ALB: variants seen among roughly 807,000 people sequenced by gnomAD.
ALB encodes the protein serum albumin.
A neutral mutation model predicts 74.5 loss-of-function variants in ALB; 37 were observed. The ratio of observed to expected loss-of-function variants is 0.50; its 90% CI spans 0.38 to 0.65. The LOEUF (loss-of-function observed/expected upper bound fraction) is 0.65, where lower values mean the gene tolerates loss of function less well. ALB is among the 30% of genes least tolerant of loss of function. The pLI, the probability that ALB is intolerant of heterozygous loss-of-function variation, is 0.00. For missense variants in ALB, 685 were observed against 718.7 expected, an observed-to-expected ratio of 0.95 and a Z score of 0.54; for synonymous variants, 249 against 251.6, an observed-to-expected ratio of 0.99 and a Z score of 0.10.
At chr4:73,410,535 G>A (rs1373355578) in intron 6 of ALB, 126 bp downstream of exon 6, 2 of 713,940 alleles carry the variant, frequency 2.8e-6, no homozygotes, top group East Asian at 5.3e-5. Context: ...TTGTCTAACA[G>A]GTAGAACTCT....
At chr4:73,408,492 C>A in intron 3 of ALB, 102 bp from the exon 4 acceptor site, 1 of 1,050,760 alleles carries the variant, frequency 9.5e-7, no homozygotes, top group Non-Finnish European at 1.4e-6. Flanking sequence ...TAAATGATTT[C>A]CTGACCAAGC....
rs1352687154 is a variant in ALB, at chr4:73,410,422, A to T, written c.713+13A>T. ...CTTTCAAAGCATGGTAAATACTTTT[A>T]AACATAGTTGGCATCTTTATAACGA... On this transcript the variant is annotated intron_variant, in intron 6 of 14. Transcript: ENST00000295897. The T allele has an allele frequency of 9.0e-6, 14 of 1,557,228 alleles. No homozygotes were observed. The highest frequency in any genetic ancestry group is 1.2e-5 in the Non-Finnish European group (14 of 1,128,208).
chr4:73,406,565 G>A, intron 2 of ALB, 64 bp from the exon 3 acceptor site: 1 of 1,508,894 alleles, frequency 6.6e-7, no homozygotes, highest in Non-Finnish European at 9.2e-7. Context: ...TTGTTCTCTA[G>A]CGTAGCAACC....
intron 11 of ALB, chr4:73,417,879 C>T (rs111329207): frequency 7.5e-4 from 515 of 686,164 alleles, no homozygotes; most frequent in African/African-American, 1.4e-3. Flanking sequence ...GACGGAGTCT[C>T]GCTTTGTTGT....
chr4:73,413,522 G>T lies in ALB; in HGVS notation c.946G>T (p.Glu316Ter), dbSNP rs150388973. ...PLLEKSHCIA[E>*]VENDEMPADL... ...GTTGGAAAAATCCCACTGCATTGCC[G>T]AAGTGGAAAATGATGAGATGCCTGC... The change falls in exon 8 of 15, where the codon GAA (glutamate) becomes TAA (stop). Residue 316 changes from glutamate to a stop codon, truncating the protein, a stop_gained. Coordinates refer to ENST00000295897, the MANE Select transcript of ALB (RefSeq NM_000477.7). LOFTEE classifies it high-confidence loss of function. 6.2e-7 allele frequency: 1 copy of T among 1,614,208 alleles called. No homozygotes were observed. Among genetic ancestry groups the T allele is most frequent in the African/African-American group, 1.3e-5 (1 of 75,064 alleles).
At chr4:73,413,894 T>C (rs1305246025) in intron 8 of ALB, among the ~76,000 whole-genome samples, 6 of 152,242 alleles carry the variant, frequency 3.9e-5, no homozygotes, top group African/African-American at 1.4e-4. Flanking sequence ...AGAAACATTT[T>C]GTGTATATAT....
At position 73,417,687 on chromosome 4, in the gene ALB, T is replaced by A. The variant is rs1437154962; in HGVS notation, c.1428+18T>A. On this transcript the variant is annotated intron_variant, in intron 11 of 14. Coordinates refer to ENST00000295897, the MANE Select transcript of ALB (RefSeq NM_000477.7). Reference sequence around the variant, plus strand: ...AAGACTATGTGAGTCTTTAAAAAAATATAATAAATTAATAATGAAAAAATT... The same window carrying A: ...AAGACTATGTGAGTCTTTAAAAAAAAATAATAAATTAATAATGAAAAAATT... 2 of 1,535,618 alleles carry A rather than the reference T, an allele frequency of 1.3e-6. No individual in the cohort carries two copies. Among genetic ancestry groups the A allele is most frequent in the African/African-American group, 2.8e-5 (2 of 71,002 alleles).
At chr4:73,418,034 GA>G in intron 11 of ALB, 53 bp from the exon 12 acceptor site, 1 of 1,570,066 alleles carries the variant, frequency 6.4e-7, no homozygotes, top group Non-Finnish European at 8.7e-7. Flanking sequence ...ATTTTTAGTA[GA>G]AAATTTTCAG....
Position 73,409,034 on chromosome 4 carries a change from A to G in ALB, c.482+229A>G, listed in dbSNP as rs1427032938. The G allele has an allele frequency of 1.2e-5, 7 of 581,692 alleles. No individual in the cohort carries two copies. The African/African-American group carries it at 1.3e-4, about 11-fold the overall frequency. 36.0% of individuals were successfully genotyped at this position (581,692 alleles called of 1,614,324 possible). A position where few individuals can be genotyped will look rare whatever the true frequency, so the allele number is the denominator to read the frequency against. ...TTGAAACAGGATACAATCTTTCTGA[A>G]AAATTTAAGATAGACAAATTATTTA... On this transcript the variant is annotated intron_variant, in intron 4 of 14. Transcript: ENST00000295897.
intron 4 of ALB, 62 bp downstream of exon 4, chr4:73,408,867 ACT>A: frequency 3.0e-6 from 4 of 1,351,206 alleles, no homozygotes; most frequent in Non-Finnish European, 3.1e-6. Context: ...ATAGGCCAAC[ACT>A]CTATAAAAAT....
In ALB at chr4:73,409,411, T is replaced by G; in HGVS notation, c.539T>G (p.Phe180Cys). ...TACTTTTATGCCCCGGAACTCCTTT[T>G]CTTTGCTAAAAGGTATAAAGCTGCT... ...HPYFYAPELL[F>C]FAKRYKAAFT... Residue 180 changes from phenylalanine (F) to cysteine (C), a missense_variant, in exon 5 of 15, where the codon TTC becomes TGC. Physicochemically the swap from Phe to Cys is radical, Grantham distance 205. Coordinates refer to ENST00000295897, the MANE Select transcript of ALB (RefSeq NM_000477.7). 6.2e-7 allele frequency: 1 copy of G among 1,614,074 alleles called. No individual in the cohort carries two copies. Among genetic ancestry groups the G allele is most frequent in the Non-Finnish European group, 8.5e-7 (1 of 1,179,916 alleles).
chr4:73,416,116 C>A, intron 9 of ALB, 140 bp from the exon 10 acceptor site: 1 of 669,672 alleles, frequency 1.5e-6, no homozygotes, highest in Non-Finnish European at 2.7e-6. Flanking sequence ...TGTATTGTGA[C>A]AGAGCGGCAT....
At chr4:73,411,331 C>T (rs1438572822) in intron 6 of ALB, among the ~76,000 whole-genome samples, 2 of 152,120 alleles carry the variant, frequency 1.3e-5, no homozygotes, top group Non-Finnish European at 2.9e-5. Context: ...ATTTAGGCAA[C>T]TGTGAAATGA....
chr4:73,410,691 C>A (rs1577937347), intron 6 of ALB, among the ~76,000 whole-genome samples: 1 of 151,962 alleles, frequency 6.6e-6, no homozygotes, highest in East Asian at 1.9e-4. Flanking sequence ...TTTATAAAAT[C>A]TTGGACTCTT....
chr4:73,407,948 A>G (rs1425844567), intron 3 of ALB, among the ~76,000 whole-genome samples: 1 of 152,214 alleles, frequency 6.6e-6, no homozygotes, highest in Non-Finnish European at 1.5e-5. Flanking sequence ...ATGGCTCTAC[A>G]TATGAAATCT....
chr4:73,417,927 C>T (rs2149329468), intron 11 of ALB, 161 bp from the exon 12 acceptor site: 2 of 766,786 alleles, frequency 2.6e-6, no homozygotes, highest in South Asian at 1.6e-5. Flanking sequence ...CGGCTCACTG[C>T]AACCTCCGCC....
At position 73,421,073 on chromosome 4, in the gene ALB, T is replaced by C. The variant is rs754259591; in HGVS notation, c.*24-19T>C. 1 of 687,894 alleles carries C rather than the reference T, an allele frequency of 1.5e-6. No homozygotes were observed. Among genetic ancestry groups the C allele is most frequent in the Non-Finnish European group, 2.6e-6 (1 of 379,942 alleles). 42.6% of individuals were successfully genotyped at this position (687,894 alleles called of 1,614,324 possible). A position where few individuals can be genotyped will look rare whatever the true frequency, so the allele number is the denominator to read the frequency against. On this transcript the variant is annotated intron_variant, in intron 14 of 14. Transcript: ENST00000295897. ...GCCATTTTACAAATAAGACTTATAT[T>C]TGTCCTTTTGTTTTTCAGCCTACCA...
At chr4:73,410,186 A>T in intron 5 of ALB, 126 bp from the exon 6 acceptor site, 1 of 731,572 alleles carries the variant, frequency 1.4e-6, no homozygotes, top group Non-Finnish European at 2.5e-6. Context: ...TAAAGGGAGT[A>T]CTTGGGAATT....
Position 73,410,409 on chromosome 4 carries a change from G to A in ALB, c.713G>A (p.Trp238Ter). 2 of 1,594,380 alleles carry A rather than the reference G, an allele frequency of 1.3e-6. No homozygotes were observed. The highest frequency in any genetic ancestry group is 1.7e-6 in the Non-Finnish European group (2 of 1,162,150). Residue 238 changes from tryptophan to a stop codon, truncating the protein, a stop_gained and splice_region_variant, in exon 6 of 15, where the codon TGG (tryptophan) becomes TAG (stop). Transcript: ENST00000295897. LOFTEE classifies it high-confidence loss of function. ...QKFGERAFKAWAVARLSQRFP... is the reference protein window; with the variant it reads ...QKFGERAFKA ...TTTGGAGAAAGAGCTTTCAAAGCAT[G>A]GTAAATACTTTTAAACATAGTTGGC... is the stretch of plus-strand genomic sequence containing the variant.
Sources: gnomAD v4.1 joint callset for allele counts (sites outside exome capture counted in the v4.1 genomes callset) on GRCh38, gnomAD v4.1.1 for gene constraint, MANE v1.5 for transcripts, NCBI Gene and HGNC (gene_info 2026-07-23, HGNC 2026-07-21) for gene names.